ZNF605: variants seen among roughly 807,000 people sequenced by gnomAD.
The protein encoded by ZNF605 is zinc finger protein 605.
A neutral mutation model predicts 7.9 loss-of-function variants in ZNF605; 9 were observed. The ratio of observed to expected loss-of-function variants is 1.14; its 90% CI spans 0.68 to 1.98. The LOEUF (loss-of-function observed/expected upper bound fraction) is 1.98. Ranked by LOEUF, ZNF605 falls within the 30% of genes most tolerant of loss-of-function variation. The pLI is 0.00. For missense variants in ZNF605, 673 were observed against 762.4 expected (o/e 0.88, Z 1.38); for synonymous variants, 255 against 260.1 (o/e 0.98, Z 0.19).
chr12:132,928,532 T>A (rs1270244913), intron 4 of ZNF605, among the ~76,000 whole-genome samples: 1 of 152,238 alleles, frequency 6.6e-6, no homozygotes, highest in Non-Finnish European at 1.5e-5. Flanking sequence ...AATAATTTTT[T>A]TATAATAGTA....
At chr12:132,951,734 T>A (rs1952571003) in intron 1 of ZNF605, among the ~76,000 whole-genome samples, 1 of 146,420 alleles carries the variant, frequency 6.8e-6, no homozygotes, top group Admixed American at 6.8e-5. Context: ...GATACATACA[T>A]GACACATACA....
At chr12:132,939,709 C>A (rs1424026971) in intron 3 of ZNF605, among the ~76,000 whole-genome samples, 1 of 152,316 alleles carries the variant, frequency 6.6e-6, no homozygotes, top group Non-Finnish European at 1.5e-5. Flanking sequence ...AGTGGCAACC[C>A]GCTCGGGTCC....
intron 1 of ZNF605, among the ~76,000 whole-genome samples, chr12:132,955,181 A>G (rs1952623560): frequency 6.6e-6 from 1 of 152,138 alleles, no homozygotes; most frequent in Non-Finnish European, 1.5e-5. Context: ...CACGAGACTC[A>G]CGTGCATCTC....
chr12:132,953,671 T>C (rs766196620), intron 1 of ZNF605, among the ~76,000 whole-genome samples: 5 of 147,800 alleles, frequency 3.4e-5, no homozygotes, highest in Non-Finnish European at 6.0e-5. Flanking sequence ...CTGATCTGCC[T>C]GCCTCAGCCT....
At position 132,937,379 on chromosome 12, in the gene ZNF605, A is replaced by AT. The variant is rs1219305466; in HGVS notation, c.16-4225_16-4224insA. Among the ~76,000 whole-genome samples the AT allele has an allele frequency of 4.8e-4, 72 of 149,944 alleles. 1 individual carries two copies. The highest frequency in any genetic ancestry group is 5.2e-4 in the Non-Finnish European group (35 of 67,540). On this transcript the variant is annotated intron_variant, in intron 3 of 4. Transcript: ENST00000360187. Reference sequence around the variant, plus strand: ...TGTCTCAAAAAAAAAAAAAAAAAAAAAGAAAATGTATGGATGGAAAGTAAA... The same window carrying AT: ...TGTCTCAAAAAAAAAAAAAAAAAAAATAGAAAATGTATGGATGGAAAGTAAA...
At chr12:132,930,372 C>T (rs1952295455) in intron 4 of ZNF605, among the ~76,000 whole-genome samples, 1 of 152,170 alleles carries the variant, frequency 6.6e-6, no homozygotes, top group South Asian at 2.1e-4. Flanking sequence ...AACAAATACC[C>T]TCTTTATTTC....
intron 3 of ZNF605, among the ~76,000 whole-genome samples, chr12:132,935,658 C>G (rs1566233030): frequency 6.6e-6 from 1 of 151,890 alleles, no homozygotes; most frequent in Admixed American, 6.6e-5. Flanking sequence ...TTTGGGAGGC[C>G]GAGGCAGGTG....
intron 1 of ZNF605, among the ~76,000 whole-genome samples, chr12:132,950,427 A>G (rs1468047337): frequency 2.0e-5 from 3 of 151,916 alleles, no homozygotes; most frequent in Non-Finnish European, 2.9e-5. Context: ...ACGTACAGAC[A>G]CGCACATACG....
intron 1 of ZNF605, among the ~76,000 whole-genome samples, chr12:132,948,783 G>A (rs1952523238): frequency 6.6e-6 from 1 of 152,350 alleles, no homozygotes; most frequent in Admixed American, 6.5e-5. Flanking sequence ...GGTCTCCCAC[G>A]TACCCCAGAG....
rs991019737 is a variant in ZNF605, at chr12:132,951,603, A to G, written c.-285-3333T>C. Among the ~76,000 whole-genome samples the G allele has an allele frequency of 1.1e-4, 16 of 150,800 alleles. No individual in the cohort carries two copies. In the East Asian group the frequency reaches 2.9e-3, roughly 28 times the overall value. On this transcript the variant is annotated intron_variant, in intron 1 of 4. Transcript: ENST00000360187. The stretch of plus-strand genomic sequence containing the variant: ...CACAGACATGCACACACTCAGACAC[A>G]GATACACACGTTCGTATCACAGACA...
In ZNF605 at chr12:132,926,461, G is replaced by C; in HGVS notation, c.838C>G (p.Pro280Ala). ...RHQITHTIEK[P>A]YSCSECGKAF... ...TTCCCACACTCACTGCAACTGTAGG[G>C]TTTCTCTATTGTGTGCGTTATCTGA... Residue 280 changes from proline (P) to alanine (A), a missense_variant, in exon 5 of 5, where the codon CCC (proline) becomes GCC (alanine). Coordinates refer to ENST00000360187, the MANE Select transcript of ZNF605 (RefSeq NM_183238.4). 1 of 1,614,090 alleles carries C rather than the reference G, an allele frequency of 6.2e-7. No individual in the cohort carries two copies. The highest frequency in any genetic ancestry group is 8.5e-7 in the Non-Finnish European group (1 of 1,180,020).
chr12:132,936,290 A>T (rs937937295), intron 3 of ZNF605, among the ~76,000 whole-genome samples: 22 of 152,134 alleles, frequency 1.4e-4, no homozygotes, highest in Admixed American at 6.5e-4. Flanking sequence ...AAGTCAATGG[A>T]AGGGCTTAAG....
chr12:132,928,977 G>A (rs980834957), intron 4 of ZNF605, among the ~76,000 whole-genome samples: 1 of 151,352 alleles, frequency 6.6e-6, no homozygotes, highest in Non-Finnish European at 1.5e-5. Flanking sequence ...AACTATCACT[G>A]CACTCCAGCC....
intron 3 of ZNF605, chr12:132,944,923 AAC>A (rs1305574695): frequency 6.4e-6 from 1 of 155,984 alleles, no homozygotes; most frequent in Non-Finnish European, 1.4e-5. Flanking sequence ...TTCTGGAAAT[AAC>A]AGAAAAGCTT....
Position 132,918,932 on chromosome 12 carries a change from T to G in ZNF605, c.*6441A>C, listed in dbSNP as rs945453855. ...CAGTGAAGTACAGCTGGCCCACATC[T>G]CAGCCAACATCATCTTCTTACAGAA... On this transcript the variant is annotated 3_prime_UTR_variant, in exon 5 of 5. Transcript: ENST00000360187. 2.6e-5 allele frequency: 4 copies of G among 152,218 alleles called. No individual in the cohort carries two copies. Among genetic ancestry groups the G allele is most frequent in the South Asian group, 2.1e-4 (1 of 4,834 alleles). 9.4% of individuals were successfully genotyped at this position (152,218 alleles called of 1,614,324 possible).
At position 132,945,604 on chromosome 12, in the gene ZNF605, A is replaced by C. The variant is rs1952487123; in HGVS notation, c.15+17T>G. The C allele has an allele frequency of 3.7e-6, 6 of 1,612,740 alleles. No individual in the cohort carries two copies. Among genetic ancestry groups the C allele is most frequent in the Non-Finnish European group, 5.1e-6 (6 of 1,179,780 alleles). ...CTGGATCATTTTCATGAAACAGAGG[A>C]TAAACCGATAACCCACCTGTGACTG... On this transcript the variant is annotated intron_variant, in intron 3 of 4. Coordinates refer to ENST00000360187, the MANE Select transcript of ZNF605 (RefSeq NM_183238.4).
chr12:132,937,959 CAT>C lies in ZNF605; in HGVS notation c.16-4806_16-4805del, dbSNP rs1247280950. Among the ~76,000 whole-genome samples, 506 of 151,788 alleles carry C rather than the reference CAT, an allele frequency of 3.3e-3. 2 individuals carry two copies. The highest frequency in any genetic ancestry group is 0.031 in the Middle Eastern group (9 of 294). On this transcript the variant is annotated intron_variant, in intron 3 of 4. Transcript: ENST00000360187. Reference sequence around the variant, plus strand: ...GAGAAAAGCCACTGTCAAAAGGTCACATATGTGATCCCATTTATTTATTTATT... The same window carrying C: ...GAGAAAAGCCACTGTCAAAAGGTCACATGTGATCCCATTTATTTATTTATT...
intron 2 of ZNF605, among the ~76,000 whole-genome samples, chr12:132,947,345 C>T (rs1297831928): frequency 6.7e-6 from 1 of 149,202 alleles, no homozygotes; most frequent in African/African-American, 2.5e-5. Flanking sequence ...GGGTCTTGCT[C>T]TGTCACCCAG....
At chr12:132,938,962 T>G (rs1952399931) in intron 3 of ZNF605, among the ~76,000 whole-genome samples, 1 of 151,822 alleles carries the variant, frequency 6.6e-6, no homozygotes, top group Non-Finnish European at 1.5e-5. Context: ...TGCGCTCGAT[T>G]TCTCACCGAG....
Sources: gnomAD v4.1 joint callset for allele counts (sites outside exome capture counted in the v4.1 genomes callset) on GRCh38, gnomAD v4.1.1 for gene constraint, MANE v1.5 for transcripts, NCBI Gene and HGNC (gene_info 2026-07-23, HGNC 2026-07-21) for gene names.